Variants in CTNNA3 observed in about 807,000 individuals in gnomAD.
CTNNA3 encodes the protein catenin alpha-3.
A neutral mutation model predicts 95.7 loss-of-function variants in CTNNA3; 76 were observed. That is an observed-to-expected ratio of 0.79 (90% CI 0.66 to 0.96). The LOEUF is 0.96. Ranked by LOEUF, CTNNA3 falls within the 40% of genes least tolerant of loss-of-function variation. CTNNA3 has a pLI of 0.00. For missense variants in CTNNA3, 1,191 were observed against 1,089.8 expected (o/e 1.09, Z -1.31); for synonymous variants, 431 against 374.4 (o/e 1.15, Z -1.74).
intron 7 of CTNNA3, among the ~76,000 whole-genome samples, chr10:66,936,642 G>C (rs908005762): frequency 1.3e-5 from 2 of 152,142 alleles, no homozygotes; most frequent in South Asian, 2.1e-4. Flanking sequence ...AGATGGACTA[G>C]ATTGAACTCT....
chr10:67,324,687 T>A (rs1398510271), intron 5 of CTNNA3, among the ~76,000 whole-genome samples: 2 of 151,948 alleles, frequency 1.3e-5, no homozygotes, highest in Non-Finnish European at 2.9e-5. Flanking sequence ...AGGATATTAG[T>A]CTGAAATTTT....
At chr10:66,284,646 G>T (rs1482055488) in intron 12 of CTNNA3, among the ~76,000 whole-genome samples, 1 of 151,724 alleles carries the variant, frequency 6.6e-6, no homozygotes, top group Admixed American at 6.6e-5. Flanking sequence ...CATTATTATG[G>T]AATTAAATAG....
chr10:67,116,726 A>G (rs1043108688), intron 7 of CTNNA3, among the ~76,000 whole-genome samples: 2 of 113,156 alleles, frequency 1.8e-5, no homozygotes, highest in Non-Finnish European at 3.6e-5. Flanking sequence ...TTGAAAATAT[A>G]TATATATATA....
intron 6 of CTNNA3, among the ~76,000 whole-genome samples, chr10:67,188,689 AC>A (rs1862979836): frequency 6.6e-6 from 1 of 152,150 alleles, no homozygotes; most frequent in South Asian, 2.1e-4. Flanking sequence ...AGATATATGT[AC>A]TCTCATGTTC....
chr10:66,736,513 ATTCT>A (rs1245510393), intron 9 of CTNNA3, among the ~76,000 whole-genome samples: 8 of 151,966 alleles, frequency 5.3e-5, no homozygotes, highest in African/African-American at 1.7e-4. Flanking sequence ...ATTTTACATT[ATTCT>A]TTCTATCATT....
At chr10:66,656,036 T>A (rs1304842758) in intron 9 of CTNNA3, among the ~76,000 whole-genome samples, 1 of 152,066 alleles carries the variant, frequency 6.6e-6, no homozygotes, top group Non-Finnish European at 1.5e-5. Flanking sequence ...ATGTTTTACA[T>A]AAATTTTAGT....
rs1236328060 is a variant in CTNNA3, at chr10:66,846,593, G to GTA, written c.1048-71071_1048-71070dup. 6.2e-4 allele frequency among the ~76,000 whole-genome samples: 94 copies of GTA among 150,822 alleles called. 1 individual carries two copies. The highest frequency in any genetic ancestry group is 6.9e-3 in the Middle Eastern group (2 of 288). On this transcript the variant is annotated intron_variant, in intron 7 of 17. Transcript: ENST00000433211. Reference sequence around the variant, plus strand: ...ATATACCATATGTGTGTGTGTGTGTGTATATATATATACACAAATTTCATT... The same window carrying GTA: ...ATATACCATATGTGTGTGTGTGTGTGTATATATATATATACACAAATTTCATT...
At chr10:66,980,201 C>A (rs987783109) in intron 7 of CTNNA3, among the ~76,000 whole-genome samples, 1 of 152,150 alleles carries the variant, frequency 6.6e-6, no homozygotes, top group Admixed American at 6.6e-5. Flanking sequence ...CTACGGCAGT[C>A]AATAACCAGT....
intron 13 of CTNNA3, among the ~76,000 whole-genome samples, chr10:66,194,717 A>T (rs1255812042): frequency 6.6e-6 from 1 of 152,206 alleles, no homozygotes; most frequent in Non-Finnish European, 1.5e-5. Context: ...GTGTACATAC[A>T]TTCTATTCTC....
intron 7 of CTNNA3, among the ~76,000 whole-genome samples, chr10:66,777,438 A>C (rs1201602266): frequency 6.6e-6 from 1 of 152,140 alleles, no homozygotes; most frequent in South Asian, 2.1e-4. Flanking sequence ...TGGTTAGGTT[A>C]TTTCTATGAG....
chr10:67,296,934 C>CAAAAAAAAAAAAAAT, intron 5 of CTNNA3, among the ~76,000 whole-genome samples: 1 of 17,656 alleles, frequency 5.7e-5, no homozygotes, highest in Non-Finnish European at 1.2e-4. Flanking sequence ...AACGCTGTCT[C>CAAAAAAAAAAAAAAT]AAAAAAAAAA....
At chr10:65,963,526 T>G (rs2077896626) in intron 17 of CTNNA3, among the ~76,000 whole-genome samples, 1 of 152,234 alleles carries the variant, frequency 6.6e-6, no homozygotes, top group African/African-American at 2.4e-5. Flanking sequence ...TTTCCTCACT[T>G]GCTATACATG....
At chr10:67,038,577 T>C (rs1854207429) in intron 7 of CTNNA3, among the ~76,000 whole-genome samples, 1 of 152,084 alleles carries the variant, frequency 6.6e-6, no homozygotes, top group African/African-American at 2.4e-5. Context: ...GCTCAATGCT[T>C]TGAAGAATAC....
chr10:67,074,511 C>T (rs7902260), intron 7 of CTNNA3, among the ~76,000 whole-genome samples: 6,503 of 151,570 alleles, frequency 0.043, 441 homozygotes, highest in African/African-American at 0.14. Context: ...CCACCACGCC[C>T]GGCTAATTTT....
intron 5 of CTNNA3, among the ~76,000 whole-genome samples, chr10:67,332,997 A>G (rs1050423834): frequency 6.6e-6 from 1 of 152,240 alleles, no homozygotes; most frequent in African/African-American, 2.4e-5. Flanking sequence ...TAAATCAACA[A>G]AAATGTAGAA....
intron 7 of CTNNA3, among the ~76,000 whole-genome samples, chr10:66,992,175 A>T (rs1404749419): frequency 6.6e-6 from 1 of 152,170 alleles, no homozygotes; most frequent in East Asian, 1.9e-4. Context: ...TACCTCCCAG[A>T]CATATGTATT....
At chr10:66,018,087 C>A (rs1226558985) in intron 15 of CTNNA3, among the ~76,000 whole-genome samples, 1 of 151,310 alleles carries the variant, frequency 6.6e-6, no homozygotes. Flanking sequence ...GTGACATGAT[C>A]GAATCTCTGT....
chr10:66,280,722 G>T, intron 12 of CTNNA3, 101 bp from the exon 13 acceptor site: 1 of 751,556 alleles, frequency 1.3e-6, no homozygotes, highest in Non-Finnish European at 2.0e-6. Flanking sequence ...ACAAATATTT[G>T]ATTAATAGAT....
At chr10:65,921,917 A>G (rs1371136402) in intron 17 of CTNNA3, among the ~76,000 whole-genome samples, 2 of 152,200 alleles carry the variant, frequency 1.3e-5, no homozygotes, top group Non-Finnish European at 1.5e-5. Context: ...AGAAGAGCTT[A>G]AAATAATTGC....
Sources: gnomAD v4.1 joint callset for allele counts (sites outside exome capture counted in the v4.1 genomes callset) on GRCh38, gnomAD v4.1.1 for gene constraint, MANE v1.5 for transcripts, NCBI Gene and HGNC (gene_info 2026-07-23, HGNC 2026-07-21) for gene names.